ACE: variants seen among roughly 807,000 people sequenced by gnomAD.
ACE encodes the protein angiotensin I converting enzyme, also known as angiotensin-converting enzyme.
In ACE, 122 loss-of-function variants were observed where a neutral mutation model predicts 162.3. The observed-to-expected ratio is 0.75, with a 90% confidence interval of 0.65 to 0.87. The LOEUF (loss-of-function observed/expected upper bound fraction) is 0.87, where lower values mean the gene tolerates loss of function less well. ACE is among the 40% of genes least tolerant of loss of function. The probability of loss-of-function intolerance (pLI) is 0.00; values close to 1 mark genes in which losing one functional copy is unlikely to be tolerated. For synonymous variants in ACE, 796 were observed against 720.6 expected (o/e 1.10, Z -1.68); for missense variants, 1,799 against 1,735.1 (o/e 1.04, Z -0.65).
Position 63,491,727 on chromosome 17 carries a change from G to A in ACE, c.2912+346G>A, listed in dbSNP as rs1038242109. On this transcript the variant is annotated intron_variant, in intron 19 of 24. Coordinates refer to ENST00000290866, the MANE Select transcript of ACE (RefSeq NM_000789.4). This position sits in a 1 kb window ranked among gnomAD's most constrained non-coding sequence, Gnocchi z 4.4. ...CCTGGGGGCACATGCTGTGACACAG[G>A]GAGGCACACGAGGATGTTGGGTGCT... Among the ~76,000 whole-genome samples the A allele has an allele frequency of 2.0e-5, 3 of 152,184 alleles. No individual in the cohort carries two copies. Among genetic ancestry groups the A allele is most frequent in the African/African-American group, 7.2e-5 (3 of 41,442 alleles).
chr17:63,493,715 T>C, intron 20 of ACE, 56 bp downstream of exon 20: 1 of 1,593,188 alleles, frequency 6.3e-7, no homozygotes, highest in Non-Finnish European at 8.6e-7. Flanking sequence ...GGTGGTGAGC[T>C]TGGGAGGTGG....
intron 13 of ACE, among the ~76,000 whole-genome samples, chr17:63,486,082 C>A (rs1321808371): frequency 6.6e-6 from 1 of 152,216 alleles, no homozygotes. Context: ...TCCTCTTTAC[C>A]CTCATTCCCT....
In ACE at chr17:63,480,249, T is replaced by C. The variant is rs1197818579; in HGVS notation, c.656-88T>C. On this transcript the variant is annotated intron_variant, in intron 4 of 24. Transcript: ENST00000290866. ...CCAGCTAGCTGCAGATCCACGGGCC[T>C]CGAGCCAGTGGAAGAGCCGACTTAC... 4.9e-6 allele frequency: 7 copies of C among 1,436,120 alleles called. No individual in the cohort carries two copies. In the East Asian group the frequency reaches 1.4e-4, roughly 29 times the overall value. The allele number at this position is 1,436,120 out of a possible 1,614,324, so 89.0% of individuals were successfully genotyped here.
At position 63,487,216 on chromosome 17, in the gene ACE, G is replaced by C. The variant is rs769766362; in HGVS notation, c.2305+143G>C. On this transcript the variant is annotated intron_variant, in intron 15 of 24. Transcript: ENST00000290866. ...GGAAATGCCCTTTCTTGTTTTCCAC[G>C]AGGGGGGCTTCTCTGCCCCACTGAG... The C allele has an allele frequency of 4.0e-4, 294 of 726,680 alleles. 2 individuals are homozygous for C. The highest frequency in any genetic ancestry group is 3.6e-4 in the Middle Eastern group (1 of 2,780). 45.0% of individuals were successfully genotyped at this position (726,680 alleles called of 1,614,324 possible). A position where few individuals can be genotyped will look rare whatever the true frequency, so the allele number is the denominator to read the frequency against.
In ACE at chr17:63,477,138, C is replaced by G; in HGVS notation, c.44C>G (p.Pro15Arg). 7.0e-7 allele frequency: 1 copy of G among 1,430,778 alleles called. No homozygotes were observed. Among genetic ancestry groups the G allele is most frequent in the Non-Finnish European group, 9.2e-7 (1 of 1,091,666 alleles). The allele number at this position is 1,430,778 out of a possible 1,614,324, so 88.6% of individuals were successfully genotyped here. ...CGCCGGGGGCCGGGGCTGCTGCTGC[C>G]GCTGCCGCTGCTGTTGCTGCTGCCG... ...SGRRGPGLLL[P>R]LPLLLLLPPQ... is the part of the protein sequence containing the mutation. Residue 15 changes from proline (P) to arginine (R), a missense_variant, in exon 1 of 25, where the codon CCG becomes CGG. Pro to Arg is a moderately radical substitution (Grantham distance 103). Coordinates refer to ENST00000290866, the MANE Select transcript of ACE (RefSeq NM_000789.4).
At position 63,488,552 on chromosome 17, in the gene ACE, T is replaced by C; in HGVS notation, c.2306-96T>C. 5 of 1,414,414 alleles carry C rather than the reference T, an allele frequency of 3.5e-6. No homozygotes were observed. In the Middle Eastern group the frequency reaches 8.7e-4, roughly 247 times the overall value. 87.6% of individuals were successfully genotyped at this position (1,414,414 alleles called of 1,614,324 possible). On this transcript the variant is annotated intron_variant, in intron 15 of 24. Coordinates refer to ENST00000290866, the MANE Select transcript of ACE (RefSeq NM_000789.4). ...CCTATACAGTCACTTTTATGTGGTT[T>C]CGCCAATTTTATTCCAGCTCTGAAA...
At chr17:63,492,749 C>T (rs778635916) in intron 19 of ACE, among the ~76,000 whole-genome samples, 52 of 152,190 alleles carry the variant, frequency 3.4e-4, no homozygotes, top group Non-Finnish European at 6.0e-4. Context: ...GGGCTGGGTG[C>T]GGTGGCTCAC....
chr17:63,481,706 G>T lies in ACE; in HGVS notation c.1086G>T (p.Ser362=). The change falls in exon 7 of 25, where the codon TCG becomes TCT. Residue 362 remains serine, a synonymous_variant. Coordinates refer to ENST00000290866, the MANE Select transcript of ACE (RefSeq NM_000789.4). ...ADGREVVCHA[S]AWDFYNRKDF... is the part of the protein sequence containing the mutation. The stretch of plus-strand genomic sequence containing the variant: ...GGCGGGAAGTGGTGTGCCACGCCTC[G>T]GCTTGGGACTTCTACAACAGGAAAG... 6.2e-7 allele frequency: 1 copy of T among 1,614,164 alleles called. No homozygotes were observed.
At chr17:63,497,045 C>CCG (rs765549787) in intron 24 of ACE, 60 bp downstream of exon 24, 195 of 1,589,592 alleles carry the variant, frequency 1.2e-4, no homozygotes, top group Non-Finnish European at 1.6e-4. Flanking sequence ...GGCTGGGCAG[C>CCG]CATGCGGCTG....
intron 2 of ACE, 177 bp from the exon 3 acceptor site, chr17:63,478,830 G>T (rs2049660306): frequency 3.0e-6 from 2 of 658,326 alleles, no homozygotes; most frequent in Non-Finnish European, 5.5e-6. Context: ...ACTGGCAGGG[G>T]ACTCAGAAGT....
chr17:63,480,441 C>G lies in ACE; in HGVS notation c.760C>G (p.Leu254Val), dbSNP rs751023560. The part of the protein sequence containing the change: ...YQQLEPLYLN[L>V]HAFVRRALHR... ...ACAGCTAGAGCCCCTCTACCTGAACCTCCATGCCTTCGTCCGCCGCGCACT... is the reference window on the plus strand; with the variant it reads ...ACAGCTAGAGCCCCTCTACCTGAACGTCCATGCCTTCGTCCGCCGCGCACT... The change falls in exon 5 of 25, where the codon CTC becomes GTC. Residue 254 changes from leucine (L) to valine (V), a missense_variant. Physicochemically the swap from Leu to Val is conservative, Grantham distance 32. Transcript: ENST00000290866. 6.2e-7 allele frequency: 1 copy of G among 1,614,170 alleles called. No homozygotes were observed. The highest frequency in any genetic ancestry group is 1.1e-5 in the South Asian group (1 of 91,090).
chr17:63,486,758 A>G (rs1294337106), intron 14 of ACE, 43 bp downstream of exon 14: 2 of 1,613,164 alleles, frequency 1.2e-6, no homozygotes, highest in Admixed American at 1.7e-5. Flanking sequence ...ATCCTGGGGC[A>G]GTGAGCCCAA....
At chr17:63,481,969 G>T (rs1043518705) in intron 7 of ACE, among the ~76,000 whole-genome samples, 1 of 152,142 alleles carries the variant, frequency 6.6e-6, no homozygotes, top group Non-Finnish European at 1.5e-5. Flanking sequence ...GAGGAAGAAG[G>T]CCCAAGTGGT....
intron 24 of ACE, 46 bp from the exon 25 acceptor site, chr17:63,497,089 CCT>C (rs2030801799): frequency 6.3e-7 from 1 of 1,576,418 alleles, no homozygotes; most frequent in African/African-American, 1.5e-5. Flanking sequence ...GCACCCTTGC[CCT>C]GCCCTGCCCT....
At chr17:63,495,328 G>A (rs1455571343) in intron 22 of ACE, among the ~76,000 whole-genome samples, 1 of 152,170 alleles carries the variant, frequency 6.6e-6, no homozygotes, top group African/African-American at 2.4e-5. Flanking sequence ...ACCTCAGGCT[G>A]GAGTTCCAGG....
chr17:63,481,288 G>C (rs773501611), intron 6 of ACE, 100 bp downstream of exon 6: 33 of 1,142,552 alleles, frequency 2.9e-5, no homozygotes, highest in Non-Finnish European at 4.1e-5. Context: ...TTCGGGTACT[G>C]AGCAGCAGCC....
intron 10 of ACE, 43 bp downstream of exon 10, chr17:63,483,601 C>A (rs2029861158): frequency 7.0e-7 from 1 of 1,438,718 alleles, no homozygotes; most frequent in Non-Finnish European, 9.7e-7. Context: ...ACTGTCACAC[C>A]CTCAATCCAC....
intron 13 of ACE, 94 bp from the exon 14 acceptor site, chr17:63,486,463 C>A: frequency 7.0e-7 from 1 of 1,425,206 alleles, no homozygotes; most frequent in Non-Finnish European, 9.8e-7. Context: ...CCCCTCACCA[C>A]CACCTCCAGC....
rs1289353057 is a variant in ACE, at chr17:63,494,483, G to A, written c.3380+13G>A. The A allele has an allele frequency of 7.5e-6, 12 of 1,607,458 alleles. No homozygotes were observed. The highest frequency in any genetic ancestry group is 3.3e-4 in the Middle Eastern group (2 of 6,074). On this transcript the variant is annotated intron_variant, in intron 22 of 24. Transcript: ENST00000290866. The stretch of plus-strand genomic sequence containing the variant: ...TGCCTTACATCAGGTAACGGGAAAG[G>A]CAGGAGGGCACATTGTGAGGGGCAG...
Sources: allele counts gnomAD v4.1 joint callset (sites outside exome capture counted in the v4.1 genomes callset), GRCh38; gene constraint gnomAD v4.1.1; non-coding constraint Gnocchi (gnomAD v3.1); transcripts MANE v1.5; gene names NCBI Gene and HGNC (gene_info 2026-07-23, HGNC 2026-07-21).